The following LDLRAD3 variants were observed in gnomAD, a reference collection of about 807,000 sequenced individuals.
LDLRAD3 encodes low-density lipoprotein receptor class A domain-containing protein 3.
Under a neutral mutation model 29.4 loss-of-function variants are expected in LDLRAD3, and 20 were observed. That is an observed-to-expected ratio of 0.68 (90% CI 0.48 to 0.99). The LOEUF (loss-of-function observed/expected upper bound fraction) is 0.99, where lower values mean the gene tolerates loss of function less well. Ranked by LOEUF, LDLRAD3 falls within the 50% of genes least tolerant of loss-of-function variation. The probability of loss-of-function intolerance (pLI) is 0.00; values close to 1 mark genes in which losing one functional copy is unlikely to be tolerated. For synonymous variants in LDLRAD3, 157 were observed against 192.7 expected, an observed-to-expected ratio of 0.81 and a Z score of 1.53; for missense variants, 420 against 454.3, an observed-to-expected ratio of 0.92 and a Z score of 0.69.
chr11:36,201,541 T>G (rs1285922905), intron 4 of LDLRAD3, among the ~76,000 whole-genome samples: 1 of 152,206 alleles, frequency 6.6e-6, no homozygotes, highest in Non-Finnish European at 1.5e-5. Context: ...TGCAATTAAT[T>G]TCAACAGTCA....
chr11:36,047,800 G>A (rs1218279516), intron 2 of LDLRAD3, among the ~76,000 whole-genome samples: 2 of 152,150 alleles, frequency 1.3e-5, no homozygotes, highest in Admixed American at 1.3e-4. Context: ...AATTAAATGA[G>A]CTGAAACCTT....
At chr11:36,096,046 C>T (rs1853355587) in intron 3 of LDLRAD3, among the ~76,000 whole-genome samples, 1 of 152,204 alleles carries the variant, frequency 6.6e-6, no homozygotes, top group Admixed American at 6.5e-5. Context: ...CTCTGGCCCA[C>T]AGCGATGTCA....
intron 4 of LDLRAD3, among the ~76,000 whole-genome samples, chr11:36,200,537 T>C (rs1411197143): frequency 6.6e-6 from 1 of 152,190 alleles, no homozygotes; most frequent in Non-Finnish European, 1.5e-5. Flanking sequence ...AAGAAAGGCA[T>C]GGCCAAGATA....
At chr11:36,115,772 C>T (rs1853666109) in intron 4 of LDLRAD3, among the ~76,000 whole-genome samples, 1 of 152,156 alleles carries the variant, frequency 6.6e-6, no homozygotes, top group Non-Finnish European at 1.5e-5. Context: ...AGACTGAAGC[C>T]TGAGATACCT....
chr11:35,989,197 T>C (rs914428057), intron 1 of LDLRAD3, among the ~76,000 whole-genome samples: 1 of 152,232 alleles, frequency 6.6e-6, no homozygotes, highest in Non-Finnish European at 1.5e-5. Flanking sequence ...TGCAGGTTTA[T>C]TTCTGGGTTC....
In LDLRAD3 at chr11:36,229,459, T is replaced by G. The variant is rs973864742; in HGVS notation, c.*62T>G. 17 of 1,241,258 alleles carry G rather than the reference T, an allele frequency of 1.4e-5. No individual in the cohort carries two copies. Among genetic ancestry groups the G allele is most frequent in the Admixed American group, 9.1e-5 (5 of 54,734 alleles). 76.9% of individuals were successfully genotyped at this position (1,241,258 alleles called of 1,614,324 possible). On this transcript the variant is annotated 3_prime_UTR_variant, in exon 6 of 6. Transcript: ENST00000315571. Reference sequence around the variant, plus strand: ...CTCTGACTTGTTGCCATTCTAACAATTTGTGCTCATGGGAAGCTCTTTAAG... The same window carrying G: ...CTCTGACTTGTTGCCATTCTAACAAGTTGTGCTCATGGGAAGCTCTTTAAG...
intron 1 of LDLRAD3, among the ~76,000 whole-genome samples, chr11:35,958,722 T>G (rs1565124258): frequency 6.6e-6 from 1 of 152,160 alleles, no homozygotes; most frequent in Non-Finnish European, 1.5e-5. Context: ...AACTACCCCC[T>G]ACATTTTACA....
chr11:36,215,053 T>G (rs1590362286), intron 4 of LDLRAD3, among the ~76,000 whole-genome samples: 2 of 151,350 alleles, frequency 1.3e-5, no homozygotes. Flanking sequence ...GGATGGAGAG[T>G]GATGTCGGTG....
intron 4 of LDLRAD3, among the ~76,000 whole-genome samples, chr11:36,224,638 G>A (rs1162088426): frequency 6.6e-6 from 1 of 152,200 alleles, no homozygotes; most frequent in African/African-American, 2.4e-5. Flanking sequence ...TTGAAAGAGT[G>A]ACCACCACGG....
intron 4 of LDLRAD3, among the ~76,000 whole-genome samples, chr11:36,155,067 A>G (rs1244015905): frequency 6.6e-6 from 1 of 152,028 alleles, no homozygotes; most frequent in Non-Finnish European, 1.5e-5. Context: ...CAGACCCACA[A>G]TCTTTCCAGT....
chr11:36,135,854 G>GTAT (rs1853996747), intron 4 of LDLRAD3, among the ~76,000 whole-genome samples: 1 of 152,146 alleles, frequency 6.6e-6, no homozygotes, highest in Non-Finnish European at 1.5e-5. Flanking sequence ...AGGTTGCAGT[G>GTAT]AGCCGAGATA....
At chr11:36,017,891 C>T (rs1308336412) in intron 1 of LDLRAD3, among the ~76,000 whole-genome samples, 1 of 152,130 alleles carries the variant, frequency 6.6e-6, no homozygotes, top group African/African-American at 2.4e-5. Context: ...TTTAAAATTT[C>T]CATTGAAAGC....
intron 2 of LDLRAD3, among the ~76,000 whole-genome samples, chr11:36,046,828 A>G (rs76125704): frequency 0.031 from 4,738 of 152,290 alleles, 233 homozygotes; most frequent in Admixed American, 0.13. Flanking sequence ...CCTTTGTAGC[A>G]TGGTGGTTAT....
intron 2 of LDLRAD3, among the ~76,000 whole-genome samples, chr11:36,055,814 A>G (rs747425209): frequency 1.6e-4 from 25 of 152,158 alleles, no homozygotes; most frequent in Non-Finnish European, 2.9e-4. Flanking sequence ...CCTTACAACT[A>G]CAGACCTCTG....
chr11:36,144,730 C>T (rs1370906293), intron 4 of LDLRAD3, among the ~76,000 whole-genome samples: 6 of 137,786 alleles, frequency 4.4e-5, no homozygotes, highest in East Asian at 4.8e-4. Flanking sequence ...CGTCTCCGCC[C>T]GGCAGCCACC....
intron 2 of LDLRAD3, among the ~76,000 whole-genome samples, chr11:36,069,488 G>A (rs1164745639): frequency 1.3e-5 from 2 of 152,104 alleles, no homozygotes; most frequent in Non-Finnish European, 2.9e-5. Context: ...TTCACTTTGG[G>A]GAGCTGTGCA....
intron 4 of LDLRAD3, among the ~76,000 whole-genome samples, chr11:36,139,952 GC>G (rs1220119810): frequency 1.3e-5 from 2 of 152,222 alleles, no homozygotes; most frequent in Non-Finnish European, 1.5e-5. Context: ...AGCCCTGAAG[GC>G]TGAGTCAAGA....
chr11:36,159,457 A>C (rs1854403357), intron 4 of LDLRAD3, among the ~76,000 whole-genome samples: 1 of 151,670 alleles, frequency 6.6e-6, no homozygotes, highest in African/African-American at 2.4e-5. Context: ...CAACAGAGTC[A>C]GACCCTGTCT....
intron 2 of LDLRAD3, among the ~76,000 whole-genome samples, chr11:36,066,551 G>A (rs183071231): frequency 1.3e-5 from 2 of 152,232 alleles, no homozygotes; most frequent in Admixed American, 1.3e-4. Context: ...CCACATATGT[G>A]TGTGCATTAC....
Sources: allele counts gnomAD v4.1 joint callset (sites outside exome capture counted in the v4.1 genomes callset), GRCh38; gene constraint gnomAD v4.1.1; transcripts MANE v1.5; gene names NCBI Gene and HGNC (gene_info 2026-07-23, HGNC 2026-07-21).